SH3RF3: variants seen among roughly 807,000 people sequenced by gnomAD.
SH3RF3 encodes E3 ubiquitin-protein ligase SH3RF3.
A neutral mutation model predicts 66.3 loss-of-function variants in SH3RF3; 29 were observed. The ratio of observed to expected loss-of-function variants is 0.44; its 90% CI spans 0.33 to 0.60. The LOEUF (loss-of-function observed/expected upper bound fraction) is 0.60. Ranked by LOEUF, SH3RF3 falls within the 20% of genes least tolerant of loss-of-function variation. The pLI is 0.04. For synonymous variants in SH3RF3, 583 were observed against 532.0 expected (o/e 1.10, Z -1.32); for missense variants, 1,194 against 1,190.9 (o/e 1.00, Z -0.04).
At chr2:109,205,544 C>T (rs755014147) in intron 1 of SH3RF3, among the ~76,000 whole-genome samples, 6 of 152,134 alleles carry the variant, frequency 3.9e-5, no homozygotes, top group South Asian at 2.1e-4. Flanking sequence ...CACTGTGCCC[C>T]GCCCAACTTA....
rs1418761359 is a variant in SH3RF3, at chr2:109,370,697, T to A, written c.850-889T>A. On this transcript the variant is annotated intron_variant, in intron 2 of 9. Coordinates refer to ENST00000309415, the MANE Select transcript of SH3RF3 (RefSeq NM_001099289.3). ...GTGTCTCTTGGTACCTGTGACAGTG[T>A]CCTATTTCCTTCCTCGATGACTGCT... is the stretch of plus-strand genomic sequence containing the variant. Among the ~76,000 whole-genome samples the A allele has an allele frequency of 5.3e-5, 8 of 152,262 alleles. No homozygotes were observed. In the South Asian group the frequency reaches 1.7e-3, roughly 32 times the overall value.
chr2:109,170,123 G>A (rs772888961), intron 1 of SH3RF3, among the ~76,000 whole-genome samples: 10 of 152,154 alleles, frequency 6.6e-5, no homozygotes, highest in African/African-American at 1.7e-4. Context: ...CTATGAAGGT[G>A]TTTTAGAGGA....
At chr2:109,246,664 C>G (rs72935411) in intron 1 of SH3RF3, among the ~76,000 whole-genome samples, 3,058 of 152,302 alleles carry the variant, frequency 0.02, 111 homozygotes, top group African/African-American at 0.069. Flanking sequence ...GACCTGTGGA[C>G]TTAACGTGCC....
intron 1 of SH3RF3, among the ~76,000 whole-genome samples, chr2:109,190,371 G>T (rs1373815422): frequency 1.3e-5 from 2 of 152,152 alleles, no homozygotes; most frequent in South Asian, 4.1e-4. Context: ...ATGGGGTTTC[G>T]CCATGTTGGC....
At chr2:109,289,047 A>G (rs527744739) in intron 1 of SH3RF3, among the ~76,000 whole-genome samples, 16 of 152,312 alleles carry the variant, frequency 1.1e-4, no homozygotes, top group East Asian at 5.8e-4. Flanking sequence ...TCGTTTGTCA[A>G]CTGTTCCTGG....
intron 2 of SH3RF3, among the ~76,000 whole-genome samples, chr2:109,367,070 A>G (rs1163603435): frequency 6.9e-6 from 1 of 144,026 alleles, no homozygotes; most frequent in African/African-American, 2.6e-5. Flanking sequence ...CTCGTGCCTC[A>G]CCCTCCAGAG....
intron 4 of SH3RF3, among the ~76,000 whole-genome samples, chr2:109,409,866 T>C (rs1282950080): frequency 6.6e-6 from 1 of 151,972 alleles, no homozygotes; most frequent in Non-Finnish European, 1.5e-5. Flanking sequence ...TGGTAGCGAG[T>C]GATGAATAAT....
At chr2:109,328,826 A>G (rs1682218955) in intron 1 of SH3RF3, among the ~76,000 whole-genome samples, 1 of 152,186 alleles carries the variant, frequency 6.6e-6, no homozygotes, top group African/African-American at 2.4e-5. Context: ...ACCTGAACAC[A>G]GTGTTATCCA....
chr2:109,166,045 T>C (rs1365468132), intron 1 of SH3RF3, among the ~76,000 whole-genome samples: 1 of 152,190 alleles, frequency 6.6e-6, no homozygotes, highest in Admixed American at 6.5e-5. Flanking sequence ...ATACATACCT[T>C]GGTGAGCCTC....
chr2:109,343,033 G>A (rs768304647), intron 1 of SH3RF3, among the ~76,000 whole-genome samples: 14 of 152,114 alleles, frequency 9.2e-5, no homozygotes, highest in African/African-American at 3.1e-4. Context: ...GGAGCACGCC[G>A]CAGTGTGAGA....
Position 109,129,552 on chromosome 2 carries a change from A to T in SH3RF3, c.12A>T (p.Gly4=). 6.7e-7 allele frequency: 1 copy of T among 1,495,590 alleles called. No homozygotes were observed. Among genetic ancestry groups the T allele is most frequent in the Non-Finnish European group, 8.9e-7 (1 of 1,129,928 alleles). The allele number at this position is 1,495,590 out of a possible 1,614,324, so 92.6% of individuals were successfully genotyped here. A position where few individuals can be genotyped will look rare whatever the true frequency, so the allele number is the denominator to read the frequency against. ...CGGGCGCCTCCCCCATGCTGCTCGG[A>T]GCGTCCTGGCTGTGCGCATCCAAGG... is the stretch of plus-strand genomic sequence containing the variant. MLL[G]ASWLCASKAA... is the part of the protein sequence containing the mutation. The change falls in exon 1 of 10, where the codon GGA becomes GGT. Residue 4 remains glycine (G), a synonymous_variant. Transcript: ENST00000309415.
intron 1 of SH3RF3, among the ~76,000 whole-genome samples, chr2:109,141,802 G>T (rs1676955252): frequency 6.6e-6 from 1 of 152,082 alleles, no homozygotes; most frequent in South Asian, 2.1e-4. Flanking sequence ...GGAGGTCAGG[G>T]TGACGGTTGT....
intron 1 of SH3RF3, among the ~76,000 whole-genome samples, chr2:109,299,118 G>A (rs963111163): frequency 6.6e-6 from 1 of 152,134 alleles, no homozygotes; most frequent in Admixed American, 6.5e-5. Context: ...TTGCAGATGA[G>A]GCCCCCTCAG....
intron 1 of SH3RF3, among the ~76,000 whole-genome samples, chr2:109,234,344 C>T (rs548209290): frequency 1.3e-5 from 2 of 152,224 alleles, no homozygotes; most frequent in Non-Finnish European, 2.9e-5. Flanking sequence ...TTCTTTATTG[C>T]AGGATTCTTA....
At chr2:109,465,562 C>A (rs1678318714) in intron 8 of SH3RF3, among the ~76,000 whole-genome samples, 1 of 152,190 alleles carries the variant, frequency 6.6e-6, no homozygotes, top group Non-Finnish European at 1.5e-5. Flanking sequence ...TTATACTTTG[C>A]AGTTCCCTAA....
chr2:109,162,708 G>C (rs942561048), intron 1 of SH3RF3, among the ~76,000 whole-genome samples: 4 of 152,218 alleles, frequency 2.6e-5, no homozygotes, highest in Non-Finnish European at 4.4e-5. Flanking sequence ...TGTCTTTATA[G>C]CTGCATGATT....
chr2:109,257,435 C>T (rs1002466234), intron 1 of SH3RF3, among the ~76,000 whole-genome samples: 12 of 150,848 alleles, frequency 8.0e-5, no homozygotes, highest in South Asian at 2.1e-4. Flanking sequence ...GAGGAAGGGA[C>T]GGAGGGAGGG....
At chr2:109,453,805 C>T (rs1027571998) in intron 8 of SH3RF3, among the ~76,000 whole-genome samples, 1 of 152,166 alleles carries the variant, frequency 6.6e-6, no homozygotes, top group South Asian at 2.1e-4. Flanking sequence ...AGAGGGTCAC[C>T]GACAAAGGCG....
chr2:109,317,534 G>A (rs1462921782), intron 1 of SH3RF3, among the ~76,000 whole-genome samples: 1 of 152,118 alleles, frequency 6.6e-6, no homozygotes, highest in Admixed American at 6.5e-5. Context: ...TTGGTTCTAG[G>A]TCTCGTTCTG....
Sources: allele counts gnomAD v4.1 joint callset (sites outside exome capture counted in the v4.1 genomes callset), GRCh38; gene constraint gnomAD v4.1.1; transcripts MANE v1.5; gene names NCBI Gene and HGNC (gene_info 2026-07-23, HGNC 2026-07-21).